The following HSBP1L1 variants were observed in gnomAD, a reference collection of about 807,000 sequenced individuals.
The protein encoded by HSBP1L1 is heat shock factor-binding protein 1-like protein 1.
HSBP1L1 carries 8 observed loss-of-function variants against 9.7 expected under a neutral mutation model. The observed-to-expected ratio is 0.82, with a 90% CI of 0.48 to 1.48. The LOEUF (loss-of-function observed/expected upper bound fraction) is 1.48. HSBP1L1 is among the 40% of genes most tolerant of loss of function. HSBP1L1 has a pLI of 0.00. For missense variants in HSBP1L1, 106 were observed against 95.8 expected (o/e 1.11, Z -0.44); for synonymous variants, 39 against 34.4 (o/e 1.13, Z -0.46).
chr18:79,969,394 A>AGAAAGAAAGAAAGAAAG lies in HSBP1L1; in HGVS notation c.214-1046_214-1045insGAAAGAAAGAAAGAAAG, dbSNP rs35959688. ...AAGAAAGAAAGAAAGAAAGAAAGAAAAAAAAACGATGCAGAATAGCGCCCA... is the reference window on the plus strand; with the variant it reads ...AAGAAAGAAAGAAAGAAAGAAAGAAAGAAAGAAAGAAAGAAAGAAAAAACGATGCAGAATAGCGCCCA... On this transcript the variant is annotated intron_variant, in intron 3 of 3. Coordinates refer to ENST00000451882, the MANE Select transcript of HSBP1L1 (RefSeq NM_001136180.2). 9.7e-3 allele frequency among the ~76,000 whole-genome samples: 781 copies of AGAAAGAAAGAAAGAAAG among 80,282 alleles called. 17 individuals carry two copies. The highest frequency in any genetic ancestry group is 0.032 in the East Asian group (67 of 2,116). 52.7% of individuals were successfully genotyped at this position (80,282 alleles called of 152,430 possible).
chr18:79,965,705 C>A (rs1394086605), intron 1 of HSBP1L1, among the ~76,000 whole-genome samples: 1 of 152,166 alleles, frequency 6.6e-6, no homozygotes, highest in African/African-American at 2.4e-5. Context: ...CTGCATCCTC[C>A]TCTGCATGCT....
chr18:79,967,462 G>A (rs545191764), intron 2 of HSBP1L1: 1 of 152,126 alleles, frequency 6.6e-6, no homozygotes, highest in Admixed American at 6.5e-5. Context: ...TCTAGATAAG[G>A]GTCACAATTG....
chr18:79,965,395 GCCT>G (rs2051251851), intron 1 of HSBP1L1, among the ~76,000 whole-genome samples: 1 of 152,270 alleles, frequency 6.6e-6, no homozygotes, highest in South Asian at 2.1e-4. Flanking sequence ...CAGAGGTGGG[GCCT>G]CCTCCTATGT....
chr18:79,966,316 G>A (rs1169600954), intron 1 of HSBP1L1, among the ~76,000 whole-genome samples: 1 of 152,076 alleles, frequency 6.6e-6, no homozygotes, highest in Non-Finnish European at 1.5e-5. Flanking sequence ...GGTCAAGGTG[G>A]GCAGATCACC....
In HSBP1L1 at chr18:79,965,052, G is replaced by T. The variant is rs568236521; in HGVS notation, c.51+266G>T. Among the ~76,000 whole-genome samples the T allele has an allele frequency of 2.3e-5, 3 of 130,444 alleles. No individual in the cohort carries two copies. The East Asian group carries it at 7.6e-4, about 33-fold the overall frequency. The allele number at this position is 130,444 out of a possible 152,430, so 85.6% of individuals were successfully genotyped here. On this transcript the variant is annotated intron_variant, in intron 1 of 3. Transcript: ENST00000451882. ...GGGGGGGCCTGAGGTGCAGGGGGGA[G>T]CCCTGCTGTCCTGGGGGACCCTGCG...
Position 79,964,742 on chromosome 18 carries a change from G to A in HSBP1L1, c.7G>A (p.Val3Met), listed in dbSNP as rs936850308. 1 of 1,423,516 alleles carries A rather than the reference G, an allele frequency of 7.0e-7. No homozygotes were observed. Among genetic ancestry groups the A allele is most frequent in the South Asian group, 1.4e-5 (1 of 71,308 alleles). The allele number at this position is 1,423,516 out of a possible 1,614,324, so 88.2% of individuals were successfully genotyped here. A position where few individuals can be genotyped will look rare whatever the true frequency, so the allele number is the denominator to read the frequency against. Reference sequence around the variant, plus strand: ...CCCCCGGCCAGCGGTCCACATGGACGTGCGGGGCCCTGAAGCCCCCGGCGG... The same window carrying A: ...CCCCCGGCCAGCGGTCCACATGGACATGCGGGGCCCTGAAGCCCCCGGCGG... MD[V>M]RGPEAPGGRA... is the part of the protein sequence containing the mutation. Residue 3 changes from valine (V) to methionine (M), a missense_variant, in exon 1 of 4, where the codon GTG (valine) becomes ATG (methionine). Val to Met is a conservative substitution (Grantham distance 21, BLOSUM62 1). Coordinates refer to ENST00000451882, the MANE Select transcript of HSBP1L1 (RefSeq NM_001136180.2).
At chr18:79,964,920 G>T in intron 1 of HSBP1L1, 134 bp downstream of exon 1, 1 of 448,968 alleles carries the variant, frequency 2.2e-6, no homozygotes, top group Non-Finnish European at 3.7e-6. Context: ...TGAGGTCCTG[G>T]GGGGCCTGCG....
At chr18:79,968,916 G>GTAATCAA (rs1369384690) in intron 3 of HSBP1L1, among the ~76,000 whole-genome samples, 1 of 151,120 alleles carries the variant, frequency 6.6e-6, no homozygotes, top group African/African-American at 2.4e-5. Context: ...CAGGCGCGGT[G>GTAATCAA]GCTCAGCCTG....
intron 1 of HSBP1L1, among the ~76,000 whole-genome samples, chr18:79,965,673 C>G (rs748076192): frequency 1.3e-5 from 2 of 152,266 alleles, no homozygotes; most frequent in African/African-American, 2.4e-5. Context: ...TCTTGAGGAG[C>G]GCAGGGTCAC....
chr18:79,966,505 T>C, intron 1 of HSBP1L1, 107 bp from the exon 2 acceptor site: 2 of 740,786 alleles, frequency 2.7e-6, no homozygotes, highest in Non-Finnish European at 4.5e-6. Flanking sequence ...ATCGCGCCAT[T>C]GCACTCCAGC....
intron 3 of HSBP1L1, among the ~76,000 whole-genome samples, chr18:79,969,248 AG>A (rs1316872198): frequency 2.0e-4 from 17 of 84,462 alleles, no homozygotes; most frequent in Admixed American, 5.8e-4. Flanking sequence ...GAGAGAGGAG[AG>A]GAGAGAGAGA....
intron 1 of HSBP1L1, 54 bp from the exon 2 acceptor site, chr18:79,966,557 AC>A: frequency 2.3e-6 from 3 of 1,324,074 alleles, no homozygotes; most frequent in East Asian, 2.5e-5. Flanking sequence ...AAAAAAAAAA[AC>A]TCATATGCCA....
intron 3 of HSBP1L1, among the ~76,000 whole-genome samples, chr18:79,968,959 G>A (rs1477484939): frequency 1.3e-5 from 2 of 149,048 alleles, no homozygotes; most frequent in Non-Finnish European, 1.5e-5. Flanking sequence ...CGAGGTGGGC[G>A]GATCACGAGG....
chr18:79,969,192 AAAG>A (rs1368287070), intron 3 of HSBP1L1, among the ~76,000 whole-genome samples: 17 of 43,368 alleles, frequency 3.9e-4, no homozygotes, highest in Non-Finnish European at 7.1e-4. Context: ...ACATGAAAGA[AAAG>A]AAAGGAAAGA....
Position 79,966,668 on chromosome 18 carries a change from A to T in HSBP1L1, c.108A>T (p.Leu36Phe), listed in dbSNP as rs2051258898. 1 of 1,546,618 alleles carries T rather than the reference A, an allele frequency of 6.5e-7. No homozygotes were observed. The highest frequency in any genetic ancestry group is 1.4e-5 in the African/African-American group (1 of 72,916). Residue 36 changes from leucine (L) to phenylalanine (F), a missense_variant, in exon 2 of 4, where the codon TTA becomes TTT. Leu to Phe is a conservative substitution (Grantham distance 22, BLOSUM62 0). Coordinates refer to ENST00000451882, the MANE Select transcript of HSBP1L1 (RefSeq NM_001136180.2). ...ATTTTCAAGCTCTGACGGCAACATT[A>T]AACCTCAGAAATATCCTTTTCTACC... ...QEHFQALTAT[L>F]NLRMEEMGNR... is the part of the protein sequence containing the mutation.
intron 2 of HSBP1L1, chr18:79,967,791 A>G (rs1467609370): frequency 7.6e-6 from 2 of 263,414 alleles, no homozygotes; most frequent in Non-Finnish European, 1.4e-5. Context: ...AGTTAATTCC[A>G]TTATATTTAT....
At position 79,964,787 on chromosome 18, in the gene HSBP1L1, G is replaced by T. The variant is rs2051248293; in HGVS notation, c.51+1G>T. 3 of 1,365,692 alleles carry T rather than the reference G, an allele frequency of 2.2e-6. No homozygotes were observed. Among genetic ancestry groups the T allele is most frequent in the Non-Finnish European group, 2.8e-6 (3 of 1,055,124 alleles). 84.6% of individuals were successfully genotyped at this position (1,365,692 alleles called of 1,614,324 possible). On this transcript the variant is annotated splice_donor_variant, in intron 1 of 3. Coordinates refer to ENST00000451882, the MANE Select transcript of HSBP1L1 (RefSeq NM_001136180.2). LOFTEE classifies it high-confidence loss of function. The stretch of plus-strand genomic sequence containing the variant: ...CGGCGGGCGCGCGCTGCGGGACGCG[G>T]TGAGCCCCTCCCCGACTCCTGCTTC...
intron 1 of HSBP1L1, among the ~76,000 whole-genome samples, chr18:79,965,994 C>G (rs763275874): frequency 1.6e-4 from 24 of 151,914 alleles, no homozygotes; most frequent in Non-Finnish European, 2.9e-4. Context: ...TGCAGTGGCG[C>G]GATCTCGGCT....
Position 79,966,647 on chromosome 18 carries a change from T to C in HSBP1L1, c.87T>C (p.Phe29=), listed in dbSNP as rs2051258711. 1 of 1,551,094 alleles carries C rather than the reference T, an allele frequency of 6.4e-7. No homozygotes were observed. The highest frequency in any genetic ancestry group is 8.7e-7 in the Non-Finnish European group (1 of 1,146,532). Residue 29 remains phenylalanine (F), a synonymous_variant, in exon 2 of 4, where the codon TTT becomes TTC. Coordinates refer to ENST00000451882, the MANE Select transcript of HSBP1L1 (RefSeq NM_001136180.2). ...ENLFQELQEH[F]QALTATLNLR... Reference sequence around the variant, plus strand: ...TATTTCAGGAACTTCAGGAACATTTTCAAGCTCTGACGGCAACATTAAACC... The same window carrying C: ...TATTTCAGGAACTTCAGGAACATTTCCAAGCTCTGACGGCAACATTAAACC...
Sources: allele counts gnomAD v4.1 joint callset (sites outside exome capture counted in the v4.1 genomes callset), GRCh38; gene constraint gnomAD v4.1.1; transcripts MANE v1.5; gene names NCBI Gene and HGNC (gene_info 2026-07-23, HGNC 2026-07-21).